Variants in LIMS1 observed in about 807,000 individuals in gnomAD.
LIMS1 encodes LIM zinc finger domain containing 1, also known as LIM and senescent cell antigen-like-containing domain protein 1.
In LIMS1, 18 loss-of-function variants were observed where a neutral mutation model predicts 44.1. The ratio of observed to expected loss-of-function variants is 0.41; its 90% confidence interval spans 0.28 to 0.61. LIMS1 has a LOEUF of 0.61. LIMS1 is among the 20% of genes least tolerant of loss of function. The probability of loss-of-function intolerance (pLI) is 0.32; values close to 1 mark genes in which losing one functional copy is unlikely to be tolerated. For synonymous variants in LIMS1, 93 were observed against 149.1 expected (o/e 0.62, Z 2.74); for missense variants, 201 against 422.0 (o/e 0.48, Z 4.59).
rs564650861 is a variant in LIMS1, at chr2:108,621,507, A to G, written c.33-38098A>G. ...GGCTAAAGGTCAAGACATCTAATCT[A>G]GTAAGTGCAGTGGGGATTCATGCCT... On this transcript the variant is annotated intron_variant, in intron 1 of 9. Transcript: ENST00000544547. The G allele has an allele frequency of 9.4e-5, 126 of 1,339,632 alleles. 1 individual carries two copies. In the African/African-American group the frequency reaches 1.7e-3, roughly 18 times the overall value. The allele number at this position is 1,339,632 out of a possible 1,614,324, so 83.0% of individuals were successfully genotyped here. A position where few individuals can be genotyped will look rare whatever the true frequency, so the allele number is the denominator to read the frequency against.
At chr2:108,682,389 A>G (rs1339464692) in intron 9 of LIMS1, among the ~76,000 whole-genome samples, 3 of 151,958 alleles carry the variant, frequency 2.0e-5, no homozygotes, top group Non-Finnish European at 4.4e-5. Context: ...AATCCCAGAT[A>G]CTCGCGAGGC....
chr2:108,547,016 TAAG>T (rs1267644866), intron 1 of LIMS1, among the ~76,000 whole-genome samples: 2 of 152,214 alleles, frequency 1.3e-5, no homozygotes, highest in African/African-American at 2.4e-5. Context: ...CATTATGAGG[TAAG>T]AAGAAGGGTT....
exon 10 of LIMS1, chr2:108,686,885 C>G (rs923392895): frequency 6.6e-6 from 1 of 152,120 alleles, no homozygotes; most frequent in African/African-American, 2.4e-5. Flanking sequence ...GTAAGCATCT[C>G]TTTGTTTAAA....
rs1691417959 is a variant in LIMS1 at position 108,662,123 on chromosome 2, T to G, written c.192+2359T>G. 1.9e-6 allele frequency: 3 copies of G among 1,605,944 alleles called. No homozygotes were observed. The African/African-American group carries it at 4.0e-5, about 21-fold the overall frequency. Reference sequence around the variant, plus strand: ...ACTCAGAGAAAAAGACAGGCTTTGTTTTTCCAGACATTTTCCTTATATCCC... The same window carrying G: ...ACTCAGAGAAAAAGACAGGCTTTGTGTTTCCAGACATTTTCCTTATATCCC... On this transcript the variant is annotated intron_variant, in intron 2 of 9. Coordinates refer to ENST00000544547, the Ensembl canonical transcript of LIMS1.
chr2:108,648,454 A>C (rs1690227681), intron 1 of LIMS1, among the ~76,000 whole-genome samples: 1 of 152,196 alleles, frequency 6.6e-6, no homozygotes, highest in African/African-American at 2.4e-5. Context: ...ATTGGAAAAA[A>C]CTACTTTGAA....
chr2:108,675,761 A>C, intron 5 of LIMS1, 117 bp from the exon 6 acceptor site: 2 of 1,330,384 alleles, frequency 1.5e-6, no homozygotes, highest in Non-Finnish European at 2.1e-6. Flanking sequence ...GGGAAAAAAG[A>C]AATTTGCAGG....
chr2:108,541,447 T>C (rs946056299), intron 1 of LIMS1, among the ~76,000 whole-genome samples: 4 of 152,218 alleles, frequency 2.6e-5, no homozygotes, highest in Non-Finnish European at 4.4e-5. Flanking sequence ...AGGATTTGTT[T>C]TTCTGTGCAG....
At chr2:108,637,749 G>A (rs1347130820) in intron 1 of LIMS1, among the ~76,000 whole-genome samples, 2 of 151,850 alleles carry the variant, frequency 1.3e-5, no homozygotes, top group African/African-American at 4.8e-5. Flanking sequence ...AAAAATAAAA[G>A]AATGAAAAGA....
At chr2:108,570,185 C>CT (rs2104629649) in intron 1 of LIMS1, among the ~76,000 whole-genome samples, 1 of 152,208 alleles carries the variant, frequency 6.6e-6, no homozygotes, top group African/African-American at 2.4e-5. Flanking sequence ...AATCCCAGCA[C>CT]TTTGGGAGGC....
At chr2:108,666,352 C>CT (rs1337493754) in intron 2 of LIMS1, among the ~76,000 whole-genome samples, 6 of 142,504 alleles carry the variant, frequency 4.2e-5, no homozygotes, top group Non-Finnish European at 7.6e-5. Flanking sequence ...AAGTCAAGCT[C>CT]TGTCACCTAA....
At chr2:108,619,768 G>A (rs545490626) in intron 1 of LIMS1, among the ~76,000 whole-genome samples, 1 of 152,264 alleles carries the variant, frequency 6.6e-6, no homozygotes, top group African/African-American at 2.4e-5. Context: ...AAACTAAATT[G>A]TTTGGTATTT....
intron 1 of LIMS1, among the ~76,000 whole-genome samples, chr2:108,612,777 G>A (rs570926664): frequency 6.6e-6 from 1 of 152,258 alleles, no homozygotes; most frequent in South Asian, 2.1e-4. Flanking sequence ...GAGAGAAGGT[G>A]TGGGCTGGCT....
intron 1 of LIMS1, among the ~76,000 whole-genome samples, chr2:108,550,643 A>G (rs1046691823): frequency 4.0e-5 from 6 of 149,482 alleles, no homozygotes; most frequent in Admixed American, 2.0e-4. Context: ...GTGAAACCCC[A>G]TCTCTACTAA....
At chr2:108,632,028 G>A (rs1192901407) in intron 1 of LIMS1, among the ~76,000 whole-genome samples, 1 of 152,220 alleles carries the variant, frequency 6.6e-6, no homozygotes, top group Admixed American at 6.5e-5. Context: ...CTGGAGTGCA[G>A]TGGTGCAATC....
intron 1 of LIMS1, among the ~76,000 whole-genome samples, chr2:108,596,913 CTG>C (rs1491110591): frequency 6.7e-5 from 8 of 118,682 alleles, no homozygotes; most frequent in East Asian, 2.9e-4. Context: ...TACGAAACAT[CTG>C]TTTTTTTTTT....
chr2:108,554,149 A>G (rs1029380203), intron 1 of LIMS1, among the ~76,000 whole-genome samples: 1 of 152,160 alleles, frequency 6.6e-6, no homozygotes, highest in Non-Finnish European at 1.5e-5. Context: ...ACACCTTGTT[A>G]TTCTGAAGCC....
At chr2:108,577,207 T>C (rs151291040) in intron 1 of LIMS1, among the ~76,000 whole-genome samples, 1 of 152,242 alleles carries the variant, frequency 6.6e-6, no homozygotes, top group Admixed American at 6.5e-5. Flanking sequence ...TGACACACTG[T>C]TAAGTCAGTG....
At chr2:108,630,503 C>T (rs826690) in intron 1 of LIMS1, among the ~76,000 whole-genome samples, 51,621 of 151,976 alleles carry the variant, frequency 0.34, 9,422 homozygotes, top group Middle Eastern at 0.52. Context: ...TATACTCACT[C>T]GTTTAATATA....
In LIMS1 at chr2:108,604,424, A is replaced by C. The variant is rs529938947; in HGVS notation, c.33-55181A>C. 2.2e-4 allele frequency among the ~76,000 whole-genome samples: 33 copies of C among 152,312 alleles called. No individual in the cohort carries two copies. The East Asian group carries it at 6.0e-3, about 28-fold the overall frequency. On this transcript the variant is annotated intron_variant, in intron 1 of 9. Coordinates refer to ENST00000544547, the Ensembl canonical transcript of LIMS1. The stretch of plus-strand genomic sequence containing the variant: ...GCCTGCAAGGCCTAAAATATTTACT[A>C]TCTGGCCTTTTACAGAAGTTTGATG...
Sources: allele counts gnomAD v4.1 joint callset (sites outside exome capture counted in the v4.1 genomes callset), GRCh38; gene constraint gnomAD v4.1.1; transcripts MANE v1.5; gene names NCBI Gene and HGNC (gene_info 2026-07-23, HGNC 2026-07-21).